The following LURAP1L variants were observed in gnomAD, a reference collection of about 807,000 sequenced individuals.
The protein encoded by LURAP1L is leucine rich adaptor protein 1 like, also known as leucine rich adaptor protein 1-like.
A neutral mutation model predicts 13.8 loss-of-function variants in LURAP1L; 12 were observed. The ratio of observed to expected loss-of-function variants is 0.87; its 90% CI spans 0.56 to 1.41. LURAP1L has a LOEUF of 1.41. LURAP1L is among the 40% of genes most tolerant of loss of function. The pLI is 0.00. For synonymous variants in LURAP1L, 139 were observed against 119.2 expected, an observed-to-expected ratio of 1.17 and a Z score of -1.08; for missense variants, 375 against 292.9, an observed-to-expected ratio of 1.28 and a Z score of -2.04.
chr9:12,789,732 G>T (rs1307538164), intron 1 of LURAP1L, among the ~76,000 whole-genome samples: 2 of 152,152 alleles, frequency 1.3e-5, no homozygotes, highest in Non-Finnish European at 2.9e-5. Context: ...GCATATGGGA[G>T]CCTGATGCTT....
rs1819887247 is a variant in LURAP1L, at chr9:12,821,925, C to A, written c.*165C>A. ...TGCTGTTGCTCCTAATACTTCTCAT[C>A]TGAGCTGATTTATTTTTCTCTGTTA... On this transcript the variant is annotated 3_prime_UTR_variant, in exon 2 of 2. Transcript: ENST00000319264. The A allele has an allele frequency of 1.5e-6, 1 of 687,164 alleles. No homozygotes were observed. The highest frequency in any genetic ancestry group is 2.6e-5 in the South Asian group (1 of 38,638). The allele number at this position is 687,164 out of a possible 1,614,324, so 42.6% of individuals were successfully genotyped here. A position where few individuals can be genotyped will look rare whatever the true frequency, so the allele number is the denominator to read the frequency against.
At chr9:12,815,003 A>G (rs1819784776) in intron 1 of LURAP1L, among the ~76,000 whole-genome samples, 2 of 152,198 alleles carry the variant, frequency 1.3e-5, no homozygotes. Flanking sequence ...CTTTTGCATA[A>G]TTGTAGGCTT....
chr9:12,820,498 G>GC (rs1586889455), intron 1 of LURAP1L, among the ~76,000 whole-genome samples: 2 of 28,300 alleles, frequency 7.1e-5, no homozygotes, highest in African/African-American at 1.8e-4. Flanking sequence ...TCGAGACTCC[G>GC]TCCCCCCCCC....
intron 1 of LURAP1L, among the ~76,000 whole-genome samples, chr9:12,811,918 G>A (rs1819742000): frequency 6.6e-6 from 1 of 152,148 alleles, no homozygotes; most frequent in Admixed American, 6.5e-5. Context: ...TCGATCCAGG[G>A]AGGATCCACT....
intron 1 of LURAP1L, among the ~76,000 whole-genome samples, chr9:12,794,089 A>G (rs1819481621): frequency 6.6e-6 from 1 of 152,088 alleles, no homozygotes; most frequent in East Asian, 1.9e-4. Context: ...CACATTGTTG[A>G]GTTTAAAACG....
At chr9:12,790,567 G>A (rs1819426865) in intron 1 of LURAP1L, 2 of 151,794 alleles carry the variant, frequency 1.3e-5, no homozygotes, top group African/African-American at 2.4e-5. Context: ...TTACTGTAGC[G>A]ATTCACTAAA....
intron 1 of LURAP1L, among the ~76,000 whole-genome samples, chr9:12,789,950 A>T (rs912176130): frequency 1.3e-5 from 2 of 152,194 alleles, no homozygotes; most frequent in Non-Finnish European, 2.9e-5. Context: ...TGACGACAAA[A>T]TTGTATTGCA....
chr9:12,820,512 C>A (rs1355074956), intron 1 of LURAP1L, among the ~76,000 whole-genome samples: 2 of 88,856 alleles, frequency 2.3e-5, no homozygotes, highest in African/African-American at 4.3e-5. Context: ...CCCCCCCCCC[C>A]CCAAAAAAAA....
intron 1 of LURAP1L, chr9:12,790,510 C>CTT (rs1819426061): frequency 6.6e-6 from 1 of 152,096 alleles, no homozygotes; most frequent in African/African-American, 2.4e-5. Flanking sequence ...TCATCTGGAA[C>CTT]TTAGGTTCCT....
intron 1 of LURAP1L, among the ~76,000 whole-genome samples, chr9:12,809,941 T>C (rs1018635408): frequency 1.8e-4 from 28 of 152,190 alleles, no homozygotes; most frequent in African/African-American, 6.5e-4. Flanking sequence ...AATAGCCTTA[T>C]TGATGTGGTC....
At chr9:12,786,547 CATATATAT>C (rs67654649) in intron 1 of LURAP1L, among the ~76,000 whole-genome samples, 972 of 53,032 alleles carry the variant, frequency 0.018, 44 homozygotes, top group African/African-American at 0.05. Context: ...ATATATATGA[CATATATAT>C]ATATATATAT....
intron 1 of LURAP1L, among the ~76,000 whole-genome samples, chr9:12,776,993 T>G (rs557952816): frequency 6.6e-6 from 1 of 152,190 alleles, no homozygotes; most frequent in Non-Finnish European, 1.5e-5. Context: ...CAGCATTTTC[T>G]ACTAGCTTGG....
chr9:12,815,710 G>T (rs138266818), intron 1 of LURAP1L, among the ~76,000 whole-genome samples: 1 of 152,234 alleles, frequency 6.6e-6, no homozygotes, highest in Non-Finnish European at 1.5e-5. Flanking sequence ...GGCTTTATGA[G>T]AAACCTGAGT....
chr9:12,799,024 A>G (rs1442195061), intron 1 of LURAP1L, among the ~76,000 whole-genome samples: 1 of 152,174 alleles, frequency 6.6e-6, no homozygotes, highest in Non-Finnish European at 1.5e-5. Flanking sequence ...TCATCAGAAA[A>G]TGTTCATAGA....
rs765007237 is a variant in LURAP1L, at chr9:12,775,830, G to A, written c.115G>A (p.Asp39Asn). ...GGAGGAGCCGGTTCCCAGGGAAAGG[G>A]ACAGGGACCCCTGCGGGGGGAGCGG... Reference protein sequence around the residue: ...RGEEPVPRERDRDPCGGSGGG... With the variant: ...RGEEPVPRERNRDPCGGSGGG... Residue 39 changes from aspartate (D) to asparagine (N), a missense_variant, in exon 1 of 2, where the codon GAC (aspartate) becomes AAC (asparagine). Coordinates refer to ENST00000319264, the MANE Select transcript of LURAP1L (RefSeq NM_203403.2). The A allele has an allele frequency of 2.2e-5, 36 of 1,605,900 alleles. No homozygotes were observed. The South Asian group carries it at 3.4e-4, about 15-fold the overall frequency.
intron 1 of LURAP1L, among the ~76,000 whole-genome samples, chr9:12,782,694 G>T (rs1819289685): frequency 6.6e-6 from 1 of 152,008 alleles, no homozygotes; most frequent in African/African-American, 2.4e-5. Context: ...GATGACTTTG[G>T]CTATTCAGGT....
At chr9:12,780,664 G>T (rs1373636713) in intron 1 of LURAP1L, among the ~76,000 whole-genome samples, 3 of 151,962 alleles carry the variant, frequency 2.0e-5, no homozygotes, top group Admixed American at 1.3e-4. Flanking sequence ...CATTTACTGT[G>T]AACGAACATT....
intron 1 of LURAP1L, among the ~76,000 whole-genome samples, chr9:12,776,920 G>C (rs74481162): frequency 3.3e-5 from 5 of 151,972 alleles, no homozygotes; most frequent in Non-Finnish European, 1.5e-5. Flanking sequence ...CTGTGAATTT[G>C]ATGAGCTGGT....
At chr9:12,787,174 T>C (rs1044490772) in intron 1 of LURAP1L, among the ~76,000 whole-genome samples, 2 of 152,180 alleles carry the variant, frequency 1.3e-5, no homozygotes, top group African/African-American at 4.8e-5. Context: ...GAGATGATTC[T>C]ATGATGTCTT....
Sources: allele counts gnomAD v4.1 joint callset (sites outside exome capture counted in the v4.1 genomes callset), GRCh38; gene constraint gnomAD v4.1.1; transcripts MANE v1.5; gene names NCBI Gene and HGNC (gene_info 2026-07-23, HGNC 2026-07-21).